The following PLA2G4E variants were observed in gnomAD, a reference collection of about 807,000 sequenced individuals.
The protein encoded by PLA2G4E is phospholipase A2 group IVE.
A neutral mutation model predicts 109.1 loss-of-function variants in PLA2G4E; 84 were observed. The ratio of observed to expected loss-of-function variants is 0.77; its 90% CI spans 0.65 to 0.92. The LOEUF (loss-of-function observed/expected upper bound fraction) is 0.92. PLA2G4E is among the 40% of genes least tolerant of loss of function. The probability of loss-of-function intolerance (pLI) is 0.00; values close to 1 mark genes in which losing one functional copy is unlikely to be tolerated. For missense variants in PLA2G4E, 1,057 were observed against 1,076.6 expected, an observed-to-expected ratio of 0.98 and a Z score of 0.25; for synonymous variants, 469 against 436.1, an observed-to-expected ratio of 1.08 and a Z score of -0.94.
chr15:41,995,385 T>C, exon 12 of PLA2G4E: 1 of 1,613,494 alleles, frequency 6.2e-7, no homozygotes, highest in South Asian at 1.1e-5. Flanking sequence ...AGACCGGTGA[T>C]GTAGCTGGCA....
intron 12 of PLA2G4E, 108 bp from the exon 13 acceptor site, chr15:41,993,067 C>A: frequency 2.1e-6 from 2 of 952,614 alleles, no homozygotes; most frequent in Middle Eastern, 3.3e-4. Context: ...CCTAACCTGC[C>A]AGGAGGGGAA....
rs2068676644 is a variant in PLA2G4E, at chr15:42,024,531, A to C, written c.184-10774T>G. On this transcript the variant is annotated intron_variant, in intron 1 of 19. Coordinates refer to ENST00000399518, the Ensembl canonical transcript of PLA2G4E. ...CCTCTGCCAGCAGACTCTTGGCCTC[A>C]GGTAACCCAATATTGAAAAGCACAT... 2.6e-5 allele frequency among the ~76,000 whole-genome samples: 4 copies of C among 152,168 alleles called. No individual in the cohort carries two copies. The South Asian group carries it at 8.3e-4, about 31-fold the overall frequency.
At chr15:42,013,685 G>T (rs758395302) in exon 2 of PLA2G4E, 1 of 1,549,712 alleles carries the variant, frequency 6.5e-7, no homozygotes, top group South Asian at 1.2e-5. Flanking sequence ...GGATACTCAC[G>T]CATATCAGCC....
rs758613773 is a variant in PLA2G4E, at chr15:42,010,131, G to GCCC, written c.257-2267_257-2266insGGG. 2.4e-4 allele frequency: 107 copies of GCCC among 440,676 alleles called. 4 individuals carry two copies. In the African/African-American group the frequency reaches 2.8e-3, roughly 12 times the overall value. The allele number at this position is 440,676 out of a possible 1,614,324, so 27.3% of individuals were successfully genotyped here. A position where few individuals can be genotyped will look rare whatever the true frequency, so the allele number is the denominator to read the frequency against. The stretch of plus-strand genomic sequence containing the variant: ...CTTCCCTTGGCTTTTCCAGAACACT[G>GCCC]GCCCCCCCACCCCGGGCCTGGACCA... On this transcript the variant is annotated intron_variant, in intron 2 of 19. Transcript: ENST00000399518.
At chr15:42,040,511 A>C (rs1258047740) in intron 1 of PLA2G4E, among the ~76,000 whole-genome samples, 1 of 152,274 alleles carries the variant, frequency 6.6e-6, no homozygotes, top group Non-Finnish European at 1.5e-5. Context: ...AATAAAGGAA[A>C]ATGAATGGAT....
intron 7 of PLA2G4E, 68 bp from the exon 8 acceptor site, chr15:42,000,350 A>C: frequency 7.0e-7 from 1 of 1,430,142 alleles, no homozygotes; most frequent in Non-Finnish European, 9.4e-7. Flanking sequence ...TTGGTCCAGC[A>C]AAAAACCTAT....
chr15:41,991,853 G>C (rs553216932), intron 13 of PLA2G4E, among the ~76,000 whole-genome samples: 9 of 152,300 alleles, frequency 5.9e-5, no homozygotes, highest in African/African-American at 2.2e-4. Context: ...CTCTCCTCTG[G>C]GGCCAGGCAA....
chr15:42,049,838 T>TCG (rs1315199370), intron 1 of PLA2G4E, among the ~76,000 whole-genome samples: 2 of 152,134 alleles, frequency 1.3e-5, no homozygotes, highest in African/African-American at 4.8e-5. Flanking sequence ...ACTGAGAGCC[T>TCG]CCCAGAAGCT....
chr15:42,019,879 G>A (rs181344510), intron 1 of PLA2G4E, among the ~76,000 whole-genome samples: 116 of 152,350 alleles, frequency 7.6e-4, no homozygotes, highest in Non-Finnish European at 1.4e-3. Context: ...GGCTCCTGAA[G>A]CCACATTTGG....
intron 1 of PLA2G4E, among the ~76,000 whole-genome samples, 148 bp from the exon 1 acceptor site, chr15:42,021,190 G>T (rs1338349146): frequency 6.6e-6 from 1 of 151,752 alleles, no homozygotes; most frequent in East Asian, 1.9e-4. Flanking sequence ...TCATATCAAA[G>T]AAATCACAGG....
intron 1 of PLA2G4E, among the ~76,000 whole-genome samples, chr15:42,036,867 C>T (rs1370731898): frequency 6.6e-6 from 1 of 152,296 alleles, no homozygotes; most frequent in Non-Finnish European, 1.5e-5. Flanking sequence ...GGAGTCCCCC[C>T]GACCCCCCGG....
intron 13 of PLA2G4E, among the ~76,000 whole-genome samples, chr15:41,992,029 C>T (rs2068257517): frequency 6.6e-6 from 1 of 152,162 alleles, no homozygotes; most frequent in Admixed American, 6.5e-5. Flanking sequence ...CAGCAGCAGC[C>T]ACCCAACACA....
chr15:42,000,645 T>TCCTC (rs2068406995), intron 7 of PLA2G4E, among the ~76,000 whole-genome samples: 1 of 152,106 alleles, frequency 6.6e-6, no homozygotes. Flanking sequence ...GCCTCTTCTG[T>TCCTC]CCTCCCTCCC....
intron 1 of PLA2G4E, among the ~76,000 whole-genome samples, chr15:42,031,640 G>A (rs907799641): frequency 2.6e-5 from 4 of 152,084 alleles, no homozygotes; most frequent in South Asian, 2.1e-4. Flanking sequence ...CAGCCCTCAC[G>A]TTTTCTTGGT....
intron 1 of PLA2G4E, among the ~76,000 whole-genome samples, chr15:42,035,511 T>A (rs1259464600): frequency 6.6e-6 from 1 of 152,070 alleles, no homozygotes; most frequent in Non-Finnish European, 1.5e-5. Flanking sequence ...CGAGTAAGGC[T>A]CAGTTGAAGG....
chr15:42,044,733 A>G (rs1889382028), intron 1 of PLA2G4E, among the ~76,000 whole-genome samples: 1 of 151,874 alleles, frequency 6.6e-6, no homozygotes, highest in African/African-American at 2.4e-5. Flanking sequence ...GTGTATACAT[A>G]TGTAACAAAC....
intron 3 of PLA2G4E, 36 bp from the exon 4 acceptor site, chr15:42,006,157 C>T (rs746759570): frequency 2.5e-5 from 41 of 1,610,642 alleles, no homozygotes; most frequent in South Asian, 4.4e-5. Context: ...CTGGTTACCA[C>T]GGTTGCATTG....
chr15:42,032,081 C>G (rs767904443), intron 1 of PLA2G4E, among the ~76,000 whole-genome samples: 2 of 152,174 alleles, frequency 1.3e-5, no homozygotes, highest in Non-Finnish European at 2.9e-5. Flanking sequence ...TGCTTCCCCT[C>G]TTGCCACCCA....
At chr15:42,019,100 G>A (rs552944244) in intron 1 of PLA2G4E, among the ~76,000 whole-genome samples, 1 of 152,330 alleles carries the variant, frequency 6.6e-6, no homozygotes, top group South Asian at 2.1e-4. Context: ...CACTGCCCAG[G>A]AGTGGCAGAG....
Sources: gnomAD v4.1 joint callset for allele counts (sites outside exome capture counted in the v4.1 genomes callset) on GRCh38, gnomAD v4.1.1 for gene constraint, MANE v1.5 for transcripts, NCBI Gene and HGNC (gene_info 2026-07-23, HGNC 2026-07-21) for gene names.